The following CCDC171 variants were observed in gnomAD, a reference collection of about 807,000 sequenced individuals.
The protein encoded by CCDC171 is coiled-coil domain-containing protein 171.
A neutral mutation model predicts 168.2 loss-of-function variants in CCDC171; 177 were observed. That is an observed-to-expected ratio of 1.05 (90% CI 0.93 to 1.19). The LOEUF (loss-of-function observed/expected upper bound fraction) is 1.19. Ranked by LOEUF, CCDC171 falls within the 50% of genes most tolerant of loss-of-function variation. The probability of loss-of-function intolerance (pLI) is 0.00; values close to 1 mark genes in which losing one functional copy is unlikely to be tolerated. For synonymous variants in CCDC171, 687 were observed against 540.8 expected (o/e 1.27, Z -3.75); for missense variants, 1,991 against 1,539.0 (o/e 1.29, Z -4.91).
intron 3 of CCDC171, among the ~76,000 whole-genome samples, chr9:15,995,309 A>C (rs569863515): frequency 6.6e-6 from 1 of 152,346 alleles, no homozygotes; most frequent in Non-Finnish European, 1.5e-5. Context: ...ATCTTCCTCC[A>C]GTCCAGTCTC....
chr9:15,920,108 A>C (rs1825114585), intron 24 of CCDC171, among the ~76,000 whole-genome samples, 162 bp from the exon 25 acceptor site: 1 of 151,694 alleles, frequency 6.6e-6, no homozygotes, highest in Non-Finnish European at 1.5e-5. Flanking sequence ...TAAAATAGTC[A>C]CTGTTCTCAA....
chr9:15,605,283 G>T (rs2043137104), intron 6 of CCDC171, among the ~76,000 whole-genome samples: 1 of 151,928 alleles, frequency 6.6e-6, no homozygotes, highest in Admixed American at 6.6e-5. Context: ...AATAATCAAG[G>T]GCAGCAAGGA....
At chr9:16,081,623 G>A in the CCDC171 span, among the ~76,000 whole-genome samples, 3 of 152,184 alleles carry the variant, frequency 2.0e-5, no homozygotes, top group Non-Finnish European at 4.4e-5. Flanking sequence ...CCCAGGCTAT[G>A]ATGTGCCTAG....
chr9:15,953,005 T>C (rs1198345865), intron 25 of CCDC171, among the ~76,000 whole-genome samples: 5 of 152,222 alleles, frequency 3.3e-5, no homozygotes, highest in African/African-American at 1.2e-4. Context: ...TATGGAAATG[T>C]AACTGATTTT....
At chr9:16,058,357 C>T (rs576523617) in intron 1 of CCDC171, among the ~76,000 whole-genome samples, 1 of 152,154 alleles carries the variant, frequency 6.6e-6, no homozygotes. Flanking sequence ...CTCTTTCCTC[C>T]CTCTATTTCT....
intron 7 of CCDC171, among the ~76,000 whole-genome samples, chr9:15,647,274 C>G (rs1379551381): frequency 6.6e-6 from 1 of 151,914 alleles, no homozygotes; most frequent in Non-Finnish European, 1.5e-5. Flanking sequence ...AAATATATAG[C>G]ACTAAATGCC....
intron 1 of CCDC171, among the ~76,000 whole-genome samples, chr9:16,054,221 A>G (rs896851578): frequency 7.2e-5 from 11 of 152,190 alleles, no homozygotes; most frequent in Non-Finnish European, 1.5e-4. Flanking sequence ...GGATCCTGGA[A>G]GAACACCCTG....
At chr9:16,076,391 T>A in the CCDC171 span, among the ~76,000 whole-genome samples, 3 of 152,160 alleles carry the variant, frequency 2.0e-5, no homozygotes, top group Non-Finnish European at 4.4e-5. Context: ...TCTATTTGAG[T>A]CCTCCAGATC....
intron 3 of CCDC171, among the ~76,000 whole-genome samples, chr9:15,994,506 A>G (rs116240455): frequency 0.023 from 3,451 of 152,252 alleles, 117 homozygotes; most frequent in African/African-American, 0.077. Context: ...AATGGGTGCA[A>G]CATGCCAACA....
the CCDC171 span, among the ~76,000 whole-genome samples, chr9:16,084,674 G>T: frequency 4.6e-5 from 7 of 152,170 alleles, no homozygotes; most frequent in Non-Finnish European, 8.8e-5. Flanking sequence ...CCTCCGGGCT[G>T]CCATGGGGGC....
intron 9 of CCDC171, among the ~76,000 whole-genome samples, chr9:15,675,429 T>G (rs1313919936): frequency 1.3e-5 from 2 of 152,108 alleles, no homozygotes; most frequent in African/African-American, 2.4e-5. Context: ...TGTTAGCTGG[T>G]TATTTTGCCT....
intron 1 of CCDC171, among the ~76,000 whole-genome samples, chr9:16,043,753 C>G (rs998898338): frequency 1.6e-4 from 25 of 152,160 alleles, no homozygotes; most frequent in Non-Finnish European, 4.4e-5. Flanking sequence ...GGAACCTAAG[C>G]TATCTGTCCA....
chr9:16,047,967 C>T (rs1221433543), intron 1 of CCDC171, among the ~76,000 whole-genome samples: 1 of 152,184 alleles, frequency 6.6e-6, no homozygotes, highest in East Asian at 1.9e-4. Context: ...TGACACAGAA[C>T]CGATGGCTCT....
Position 15,661,139 on chromosome 9 carries a change from G to T in CCDC171, c.915+3920G>T, listed in dbSNP as rs955329937. On this transcript the variant is annotated intron_variant, in intron 8 of 25. Transcript: ENST00000380701. ...ACTAAAAATACAAAAAATTAGCCGGGCGTCGTGGCGGGCGCCTGTAGTCCC... is the reference window on the plus strand; with the variant it reads ...ACTAAAAATACAAAAAATTAGCCGGTCGTCGTGGCGGGCGCCTGTAGTCCC... 3.8e-4 allele frequency among the ~76,000 whole-genome samples: 58 copies of T among 152,262 alleles called. No individual in the cohort carries two copies. In the Middle Eastern group the frequency reaches 0.017, roughly 45 times the overall value.
At chr9:15,707,790 G>A (rs1283683584) in intron 11 of CCDC171, among the ~76,000 whole-genome samples, 1 of 152,114 alleles carries the variant, frequency 6.6e-6, no homozygotes, top group Non-Finnish European at 1.5e-5. Context: ...GTTTTAAATT[G>A]TTTGTAGAGA....
At chr9:15,841,055 G>C (rs2060658565) in intron 21 of CCDC171, among the ~76,000 whole-genome samples, 1 of 151,976 alleles carries the variant, frequency 6.6e-6, no homozygotes, top group African/African-American at 2.4e-5. Context: ...ATATGGTACA[G>C]ATAATCATGA....
At chr9:15,562,245 C>T (rs143814488) in intron 1 of CCDC171, among the ~76,000 whole-genome samples, 82 of 152,240 alleles carry the variant, frequency 5.4e-4, no homozygotes, top group African/African-American at 1.9e-3. Flanking sequence ...CCACCCACCT[C>T]GGCCTCCCTA....
chr9:15,665,567 A>C (rs1424031683), intron 8 of CCDC171, among the ~76,000 whole-genome samples: 1 of 152,122 alleles, frequency 6.6e-6, no homozygotes. Flanking sequence ...GATCACTTGA[A>C]GCTAACAGTT....
chr9:15,760,894 C>T (rs2056405760), intron 18 of CCDC171, among the ~76,000 whole-genome samples: 1 of 152,086 alleles, frequency 6.6e-6, no homozygotes, highest in African/African-American at 2.4e-5. Flanking sequence ...AGATAAATTA[C>T]CTCTTCTCGG....
Sources: gnomAD v4.1 joint callset for allele counts (sites outside exome capture counted in the v4.1 genomes callset) on GRCh38, gnomAD v4.1.1 for gene constraint, MANE v1.5 for transcripts, NCBI Gene and HGNC (gene_info 2026-07-23, HGNC 2026-07-21) for gene names.